CHRM3: variants seen among roughly 807,000 people sequenced by gnomAD.
CHRM3 encodes the protein muscarinic acetylcholine receptor M3.
In CHRM3, 11 loss-of-function variants were observed where a neutral mutation model predicts 41.8. The ratio of observed to expected loss-of-function variants is 0.26; its 90% CI spans 0.17 to 0.44. CHRM3 has a LOEUF of 0.44. Ranked by LOEUF, CHRM3 falls within the 20% of genes least tolerant of loss-of-function variation. The probability of loss-of-function intolerance (pLI) is 1.00; values close to 1 mark genes in which losing one functional copy is unlikely to be tolerated. For missense variants in CHRM3, 571 were observed against 745.4 expected (o/e 0.77, Z 2.72); for synonymous variants, 297 against 301.4 (o/e 0.99, Z 0.15).
chr1:239,646,141 G>GA (rs1671720680), intron 4 of CHRM3, among the ~76,000 whole-genome samples: 1 of 152,152 alleles, frequency 6.6e-6, no homozygotes, highest in Admixed American at 6.5e-5. Context: ...GAGTCTCACA[G>GA]AAAAAATAAA....
At chr1:239,564,402 G>T (rs1356722811) in intron 3 of CHRM3, among the ~76,000 whole-genome samples, 1 of 152,114 alleles carries the variant, frequency 6.6e-6, no homozygotes, top group Non-Finnish European at 1.5e-5. Context: ...ATTATATCTA[G>T]AGGGAGCCTG....
intron 1 of CHRM3, among the ~76,000 whole-genome samples, chr1:239,469,083 C>T (rs578131354): frequency 2.0e-5 from 3 of 152,084 alleles, no homozygotes; most frequent in Admixed American, 2.0e-4. Context: ...TCAAAATGCC[C>T]GAGTTCTAGT....
At chr1:239,703,308 C>G (rs1412917640) in intron 5 of CHRM3, 2 of 152,174 alleles carry the variant, frequency 1.3e-5, no homozygotes, top group African/African-American at 4.8e-5. Flanking sequence ...GACAAAAAAG[C>G]AAAATGTGAG....
intron 5 of CHRM3, among the ~76,000 whole-genome samples, chr1:239,737,098 A>C (rs1664456589): frequency 2.0e-5 from 3 of 152,138 alleles, no homozygotes; most frequent in Non-Finnish European, 4.4e-5. Flanking sequence ...CATTTTCTTC[A>C]TTCATATTAC....
chr1:239,600,579 G>C (rs1402270458), intron 3 of CHRM3, among the ~76,000 whole-genome samples: 1 of 151,944 alleles, frequency 6.6e-6, no homozygotes, highest in African/African-American at 2.4e-5. Flanking sequence ...AAAATGATGG[G>C]CTACTTTATT....
At chr1:239,407,118 C>A (rs747141893) in intron 1 of CHRM3, among the ~76,000 whole-genome samples, 2 of 152,088 alleles carry the variant, frequency 1.3e-5, no homozygotes, top group Non-Finnish European at 2.9e-5. Flanking sequence ...GCCTCAGAGC[C>A]TTTACACTTA....
In CHRM3 at chr1:239,567,337, G is replaced by T. The variant is rs571750611; in HGVS notation, c.-313+21588G>T. Among the ~76,000 whole-genome samples the T allele has an allele frequency of 2.9e-4, 44 of 151,268 alleles. No individual in the cohort carries two copies. The Middle Eastern group carries it at 0.01, about 36-fold the overall frequency. On this transcript the variant is annotated intron_variant, in intron 3 of 6. Coordinates refer to ENST00000676153, the MANE Select transcript of CHRM3 (RefSeq NM_001375978.1). Reference sequence around the variant, plus strand: ...AAAAAAAGCACAAATCCAAACACTGGTAAGCTCTCCTTGGGCACCTGATTT... The same window carrying T: ...AAAAAAAGCACAAATCCAAACACTGTTAAGCTCTCCTTGGGCACCTGATTT...
chr1:239,763,043 TTAAGA>T (rs1310316124), intron 5 of CHRM3, among the ~76,000 whole-genome samples: 1 of 151,530 alleles, frequency 6.6e-6, no homozygotes, highest in Non-Finnish European at 1.5e-5. Flanking sequence ...ATATAGGGTT[TTAAGA>T]AGAACGCTAT....
chr1:239,897,466 A>G (rs1049979764), intron 6 of CHRM3, among the ~76,000 whole-genome samples: 2 of 152,238 alleles, frequency 1.3e-5, no homozygotes, highest in African/African-American at 4.8e-5. Flanking sequence ...TCATCAGAAT[A>G]ACTTCCACAG....
At chr1:239,536,459 T>C (rs1463020865) in intron 2 of CHRM3, among the ~76,000 whole-genome samples, 1 of 152,204 alleles carries the variant, frequency 6.6e-6, no homozygotes, top group Non-Finnish European at 1.5e-5. Context: ...TATTATCAAT[T>C]CCAAAGACTA....
At chr1:239,665,235 G>A (rs777129070) in intron 4 of CHRM3, among the ~76,000 whole-genome samples, 31 of 148,726 alleles carry the variant, frequency 2.1e-4, no homozygotes, top group African/African-American at 3.7e-4. Flanking sequence ...TCAAAAAGAC[G>A]TTGAGCGCCT....
chr1:239,479,886 A>G (rs550869646), intron 1 of CHRM3, among the ~76,000 whole-genome samples: 1 of 152,338 alleles, frequency 6.6e-6, no homozygotes, highest in Non-Finnish European at 1.5e-5. Context: ...TTAGGACATT[A>G]CTGTACACTA....
At chr1:239,475,918 G>T (rs1341980480) in intron 1 of CHRM3, among the ~76,000 whole-genome samples, 3 of 152,088 alleles carry the variant, frequency 2.0e-5, no homozygotes, top group African/African-American at 2.4e-5. Context: ...TAATTCTGTG[G>T]TTGAGAATTG....
At chr1:239,691,508 T>A (rs1659716322) in intron 5 of CHRM3, among the ~76,000 whole-genome samples, 1 of 152,178 alleles carries the variant, frequency 6.6e-6, no homozygotes, top group Non-Finnish European at 1.5e-5. Flanking sequence ...ATGTATTCAG[T>A]TTAAACAAAA....
chr1:239,466,150 C>T (rs1174006138), intron 1 of CHRM3, among the ~76,000 whole-genome samples: 3 of 151,940 alleles, frequency 2.0e-5, no homozygotes, highest in East Asian at 1.9e-4. Context: ...CCCGCCACCA[C>T]GCCTGGCTAA....
Position 239,606,433 on chromosome 1 carries a change from G to A in CHRM3, c.-312-25791G>A, listed in dbSNP as rs528218486. Among the ~76,000 whole-genome samples the A allele has an allele frequency of 2.6e-4, 40 of 152,030 alleles. No homozygotes were observed. The South Asian group carries it at 6.9e-3, about 26-fold the overall frequency. On this transcript the variant is annotated intron_variant, in intron 3 of 6. Coordinates refer to ENST00000676153, the MANE Select transcript of CHRM3 (RefSeq NM_001375978.1). The stretch of plus-strand genomic sequence containing the variant: ...TGGGACTACAGGCGCCCACCAGCAC[G>A]TTCGGCTTATTTTTGTATTTTTAGT...
chr1:239,610,797 T>G (rs1666927889), intron 3 of CHRM3, among the ~76,000 whole-genome samples: 1 of 152,210 alleles, frequency 6.6e-6, no homozygotes, highest in South Asian at 2.1e-4. Context: ...CTCATGCCTG[T>G]AATCCCAGCA....
intron 6 of CHRM3, among the ~76,000 whole-genome samples, chr1:239,847,551 A>G (rs1674366180): frequency 7.0e-6 from 1 of 143,222 alleles, no homozygotes; most frequent in African/African-American, 3.0e-5. Context: ...AAAATAAGTC[A>G]GGGAAAAATA....
chr1:239,407,822 T>G (rs1025241181), intron 1 of CHRM3, among the ~76,000 whole-genome samples: 1 of 152,162 alleles, frequency 6.6e-6, no homozygotes, highest in African/African-American at 2.4e-5. Flanking sequence ...GCTCATTGAC[T>G]TAATTATGAG....
Sources: gnomAD v4.1 joint callset for allele counts (sites outside exome capture counted in the v4.1 genomes callset) on GRCh38, gnomAD v4.1.1 for gene constraint, MANE v1.5 for transcripts, NCBI Gene and HGNC (gene_info 2026-07-23, HGNC 2026-07-21) for gene names.